Variants in ASIC2 observed in about 807,000 individuals in gnomAD.
ASIC2 encodes the protein acid-sensing ion channel 2.
In ASIC2, 25 loss-of-function variants were observed where a neutral mutation model predicts 57.3. That is an observed-to-expected ratio of 0.44 (90% CI 0.32 to 0.61). The LOEUF (loss-of-function observed/expected upper bound fraction) is 0.61. Among genes scored for constraint, ASIC2 ranks in the 20% least tolerant of loss-of-function variants. ASIC2 has a pLI of 0.06. For synonymous variants in ASIC2, 319 were observed against 307.5 expected, an observed-to-expected ratio of 1.04 and a Z score of -0.39; for missense variants, 641 against 738.1, an observed-to-expected ratio of 0.87 and a Z score of 1.52.
At chr17:34,131,163 C>G (rs1911944515) in intron 1 of ASIC2, among the ~76,000 whole-genome samples, 1 of 151,868 alleles carries the variant, frequency 6.6e-6, no homozygotes, top group Admixed American at 6.6e-5. Context: ...AGGCTTTGCA[C>G]CATGAAGAAT....
At chr17:33,248,421 T>A (rs963379886) in intron 1 of ASIC2, among the ~76,000 whole-genome samples, 1 of 152,186 alleles carries the variant, frequency 6.6e-6, no homozygotes, top group African/African-American at 2.4e-5. Context: ...AACAAATGAT[T>A]AATGTGATCT....
chr17:33,673,054 A>C (rs1233181449), intron 1 of ASIC2, among the ~76,000 whole-genome samples: 1 of 152,184 alleles, frequency 6.6e-6, no homozygotes, highest in African/African-American at 2.4e-5. Context: ...GGGGGACATA[A>C]AGAAGAGAAG....
At chr17:33,906,612 T>C (rs773675632) in intron 1 of ASIC2, among the ~76,000 whole-genome samples, 7 of 152,202 alleles carry the variant, frequency 4.6e-5, no homozygotes, top group South Asian at 2.1e-4. Flanking sequence ...CCTGCGAGTA[T>C]ATTCATGCTG....
intron 1 of ASIC2, among the ~76,000 whole-genome samples, chr17:33,693,789 C>G (rs1030037931): frequency 1.3e-5 from 2 of 152,210 alleles, no homozygotes; most frequent in African/African-American, 4.8e-5. Flanking sequence ...AAGGTGAATT[C>G]TCTCTAGGTG....
At chr17:33,693,341 C>A (rs1908431392) in intron 1 of ASIC2, among the ~76,000 whole-genome samples, 2 of 152,076 alleles carry the variant, frequency 1.3e-5, no homozygotes, top group African/African-American at 4.8e-5. Flanking sequence ...TTTGAATTTT[C>A]TTTTTGGCCC....
chr17:33,562,794 G>A (rs1312114160), intron 1 of ASIC2, among the ~76,000 whole-genome samples: 1 of 152,196 alleles, frequency 6.6e-6, no homozygotes, highest in East Asian at 1.9e-4. Flanking sequence ...CCAGCAGCTA[G>A]CTAGGAGGTA....
chr17:33,137,593 G>C (rs1280869453), intron 1 of ASIC2, among the ~76,000 whole-genome samples: 2 of 152,226 alleles, frequency 1.3e-5, no homozygotes, highest in East Asian at 3.8e-4. Context: ...AGGAAGCTGG[G>C]CTCATTCCTA....
intron 7 of ASIC2, among the ~76,000 whole-genome samples, chr17:33,019,306 G>A (rs889891382): frequency 1.3e-5 from 2 of 152,028 alleles, no homozygotes; most frequent in South Asian, 2.1e-4. Context: ...GTGTGTGTGA[G>A]TGTGGGTCTG....
rs796954505 is a variant in ASIC2, at chr17:33,155,528, CT to C, written c.709-43462del. Among the ~76,000 whole-genome samples, 653 of 142,054 alleles carry C rather than the reference CT, an allele frequency of 4.6e-3. 5 individuals carry two copies. The highest frequency in any genetic ancestry group is 0.012 in the Admixed American group (171 of 14,318). 93.2% of individuals were successfully genotyped at this position (142,054 alleles called of 152,430 possible). ...GCCATTTCTGCCTCCACAAGCCTTA[CT>C]TTTTTTTTTTCTTTTTTCTCTTCTT... On this transcript the variant is annotated intron_variant, in intron 1 of 9. Coordinates refer to ENST00000225823, the MANE Select transcript of ASIC2 (RefSeq NM_183377.2).
intron 1 of ASIC2, among the ~76,000 whole-genome samples, chr17:33,637,064 A>C (rs1439543964): frequency 6.6e-6 from 1 of 150,992 alleles, no homozygotes; most frequent in African/African-American, 2.4e-5. Flanking sequence ...TTTCTCTTCC[A>C]CTATTGTCCC....
At chr17:33,061,101 C>A (rs1487026662) in intron 3 of ASIC2, among the ~76,000 whole-genome samples, 1 of 152,210 alleles carries the variant, frequency 6.6e-6, no homozygotes, top group East Asian at 1.9e-4. Context: ...ATCATGTCAT[C>A]TGCAAACAGG....
At chr17:34,102,683 C>T (rs1444050625) in intron 1 of ASIC2, among the ~76,000 whole-genome samples, 3 of 152,218 alleles carry the variant, frequency 2.0e-5, no homozygotes, top group East Asian at 3.9e-4. Context: ...AGTAGTATCA[C>T]ACTGCAGGAA....
At chr17:33,872,533 A>G (rs1914444929) in intron 1 of ASIC2, among the ~76,000 whole-genome samples, 1 of 152,174 alleles carries the variant, frequency 6.6e-6, no homozygotes, top group African/African-American at 2.4e-5. Flanking sequence ...GTCAGCAGAT[A>G]TTATTAGCTA....
intron 1 of ASIC2, among the ~76,000 whole-genome samples, chr17:34,056,507 A>G (rs1233655760): frequency 6.6e-6 from 1 of 152,180 alleles, no homozygotes; most frequent in Non-Finnish European, 1.5e-5. Context: ...GTGAGTGGTA[A>G]AGCATGTCCT....
chr17:33,719,433 C>T (rs1487285677), intron 1 of ASIC2, among the ~76,000 whole-genome samples: 1 of 152,312 alleles, frequency 6.6e-6, no homozygotes, highest in South Asian at 2.1e-4. Context: ...TGCTAGCGCA[C>T]AGAGCTACTG....
intron 1 of ASIC2, among the ~76,000 whole-genome samples, chr17:34,104,878 A>G (rs1388050480): frequency 1.3e-5 from 2 of 152,010 alleles, no homozygotes; most frequent in African/African-American, 2.4e-5. Context: ...TCTTGCATCT[A>G]TGTTAATGAA....
intron 1 of ASIC2, among the ~76,000 whole-genome samples, chr17:34,008,635 A>G (rs983297979): frequency 6.6e-6 from 1 of 152,112 alleles, no homozygotes; most frequent in Non-Finnish European, 1.5e-5. Flanking sequence ...GGAGTCATAC[A>G]TATCTAGGAA....
chr17:33,419,793 G>A (rs1910982517), intron 1 of ASIC2, among the ~76,000 whole-genome samples: 1 of 151,990 alleles, frequency 6.6e-6, no homozygotes, highest in African/African-American at 2.4e-5. Context: ...TCAAAAAGAT[G>A]GACTAACATA....
intron 1 of ASIC2, among the ~76,000 whole-genome samples, chr17:33,247,789 T>A (rs1211507142): frequency 6.6e-6 from 1 of 152,144 alleles, no homozygotes; most frequent in Non-Finnish European, 1.5e-5. Context: ...GTTTTATAGC[T>A]CATGCATGCA....
Sources: gnomAD v4.1 joint callset for allele counts (sites outside exome capture counted in the v4.1 genomes callset) on GRCh38, gnomAD v4.1.1 for gene constraint, MANE v1.5 for transcripts, NCBI Gene and HGNC (gene_info 2026-07-23, HGNC 2026-07-21) for gene names.